SLC12A1: variants seen among roughly 807,000 people sequenced by gnomAD.
SLC12A1 encodes solute carrier family 12 member 1.
A neutral mutation model predicts 130.4 loss-of-function variants in SLC12A1; 89 were observed. That is an observed-to-expected ratio of 0.68 (90% CI 0.58 to 0.81). The LOEUF is 0.81. SLC12A1 is among the 40% of genes least tolerant of loss of function. The pLI, the probability that SLC12A1 is intolerant of heterozygous loss-of-function variation, is 0.00. For synonymous variants in SLC12A1, 499 were observed against 460.0 expected, an observed-to-expected ratio of 1.08 and a Z score of -1.09; for missense variants, 1,310 against 1,336.4, an observed-to-expected ratio of 0.98 and a Z score of 0.31.
chr15:48,230,261 T>C (rs888003783), intron 6 of SLC12A1, 132 bp from the exon 7 acceptor site: 1 of 601,324 alleles, frequency 1.7e-6, no homozygotes, highest in Admixed American at 2.9e-5. Flanking sequence ...AATGTATGAA[T>C]ACTCCATTTT....
intron 16 of SLC12A1, among the ~76,000 whole-genome samples, chr15:48,258,621 C>G (rs1409580024): frequency 6.6e-6 from 1 of 152,196 alleles, no homozygotes; most frequent in Admixed American, 6.5e-5. Flanking sequence ...ACTGTTCCAG[C>G]CTCTGCCTGT....
intron 13 of SLC12A1, among the ~76,000 whole-genome samples, chr15:48,248,933 A>G (rs1411247156): frequency 1.3e-5 from 2 of 152,122 alleles, no homozygotes; most frequent in African/African-American, 2.4e-5. Context: ...AGTCCCAGCT[A>G]CTAGGGAGGC....
chr15:48,266,622 G>T (rs187176918), intron 17 of SLC12A1, among the ~76,000 whole-genome samples: 1 of 152,212 alleles, frequency 6.6e-6, no homozygotes, highest in Non-Finnish European at 1.5e-5. Context: ...ATTTTATCAA[G>T]ATCCCAAGTG....
At chr15:48,266,102 A>T (rs1297899667) in intron 17 of SLC12A1, among the ~76,000 whole-genome samples, 1 of 152,206 alleles carries the variant, frequency 6.6e-6, no homozygotes, top group African/African-American at 2.4e-5. Flanking sequence ...CATACAGGCT[A>T]TCATATTGGG....
chr15:48,243,049 A>G (rs988972479), intron 10 of SLC12A1, among the ~76,000 whole-genome samples: 3 of 152,000 alleles, frequency 2.0e-5, no homozygotes, highest in Admixed American at 2.0e-4. Context: ...GAAAATATAC[A>G]TTTCTACACT....
intron 20 of SLC12A1, among the ~76,000 whole-genome samples, chr15:48,282,967 C>A (rs570601170): frequency 3.7e-4 from 56 of 152,226 alleles, no homozygotes; most frequent in African/African-American, 1.3e-3. Context: ...TTAGTTTCTT[C>A]ATCTACAAAA....
intron 21 of SLC12A1, 56 bp downstream of exon 21, chr15:48,285,305 A>G: frequency 6.4e-7 from 1 of 1,558,982 alleles, no homozygotes; most frequent in Non-Finnish European, 8.8e-7. Context: ...CTATTTGAGC[A>G]TCTATGAAGA....
intron 20 of SLC12A1, among the ~76,000 whole-genome samples, chr15:48,278,731 T>C (rs1430393542): frequency 6.6e-6 from 1 of 152,228 alleles, no homozygotes; most frequent in Non-Finnish European, 1.5e-5. Context: ...AAAATGAGAA[T>C]GCAAAATATA....
At chr15:48,235,102 C>A in intron 9 of SLC12A1, 98 bp downstream of exon 9, 1 of 1,216,404 alleles carries the variant, frequency 8.2e-7, no homozygotes, top group Non-Finnish European at 1.2e-6. Flanking sequence ...TATTACCCTA[C>A]AGATTCAAAC....
intron 2 of SLC12A1, among the ~76,000 whole-genome samples, chr15:48,209,450 A>T (rs1265714387): frequency 6.6e-6 from 1 of 152,180 alleles, no homozygotes; most frequent in Non-Finnish European, 1.5e-5. Flanking sequence ...GCTCTTCCAG[A>T]CCAGTTTGGA....
chr15:48,289,158 TG>T (rs2042091485), intron 23 of SLC12A1, among the ~76,000 whole-genome samples: 2 of 151,350 alleles, frequency 1.3e-5, no homozygotes, highest in African/African-American at 4.9e-5. Context: ...CATTGAGAGT[TG>T]ATGCCAGTTG....
intron 15 of SLC12A1, among the ~76,000 whole-genome samples, 187 bp from the exon 16 acceptor site, chr15:48,255,624 C>T (rs1033018432): frequency 4.6e-5 from 7 of 152,158 alleles, no homozygotes; most frequent in Admixed American, 4.6e-4. Flanking sequence ...TGAAGATTCA[C>T]GTAGTATTCA....
chr15:48,208,649 G>A (rs1167759815), intron 2 of SLC12A1, among the ~76,000 whole-genome samples: 1 of 152,134 alleles, frequency 6.6e-6, no homozygotes, highest in African/African-American at 2.4e-5. Context: ...GAGAACTAAA[G>A]AATTAACTCT....
chr15:48,287,644 A>C (rs2042073623), intron 21 of SLC12A1, among the ~76,000 whole-genome samples: 1 of 152,214 alleles, frequency 6.6e-6, no homozygotes, highest in Non-Finnish European at 1.5e-5. Flanking sequence ...ATGTTAAGTA[A>C]ATACAAAAAT....
At chr15:48,280,661 G>A (rs1294846293) in intron 20 of SLC12A1, among the ~76,000 whole-genome samples, 1 of 151,944 alleles carries the variant, frequency 6.6e-6, no homozygotes, top group East Asian at 1.9e-4. Flanking sequence ...GGATTTCCAG[G>A]TGGTGGTCTT....
intron 2 of SLC12A1, chr15:48,218,002 G>T (rs892242628): frequency 2.6e-5 from 4 of 152,084 alleles, no homozygotes; most frequent in Non-Finnish European, 4.4e-5. Context: ...TAGAGATAGG[G>T]TTTAGCCATG....
chr15:48,235,070 C>A lies in SLC12A1; in HGVS notation c.1215+66C>A, dbSNP rs762790186. 5.9e-6 allele frequency: 9 copies of A among 1,524,346 alleles called. No individual in the cohort carries two copies. In the African/African-American group the frequency reaches 1.1e-4, roughly 19 times the overall value. 94.4% of individuals were successfully genotyped at this position (1,524,346 alleles called of 1,614,324 possible). On this transcript the variant is annotated intron_variant, in intron 9 of 26. Coordinates refer to ENST00000380993, the MANE Select transcript of SLC12A1 (RefSeq NM_000338.3). ...TACACTTGGTGGGTAGCACAAGGAGCTAGAGAGGTTAGATGTGACCATATT... is the reference window on the plus strand; with the variant it reads ...TACACTTGGTGGGTAGCACAAGGAGATAGAGAGGTTAGATGTGACCATATT...
In SLC12A1 at chr15:48,246,931, T is replaced by C; in HGVS notation, c.1475T>C (p.Phe492Ser). 6.2e-7 allele frequency: 1 copy of C among 1,613,856 alleles called. No individual in the cohort carries two copies. Among genetic ancestry groups the C allele is most frequent in the African/African-American group, 1.3e-5 (1 of 75,046 alleles). Residue 492 changes from phenylalanine to serine, a missense_variant, in exon 12 of 27, where the codon TTC becomes TCC. Phe to Ser is a radical substitution (Grantham distance 155, BLOSUM62 -2). Coordinates refer to ENST00000380993, the MANE Select transcript of SLC12A1 (RefSeq NM_000338.3). ...NFQVMSMVSG[F>S]GPLITAGIFS... is the part of the protein sequence containing the mutation. ...AAGGTCATGAGCATGGTATCAGGGT[T>C]CGGCCCCCTCATCACTGCGGGAATC...
chr15:48,288,244 G>A, intron 22 of SLC12A1, 70 bp downstream of exon 22: 1 of 1,452,460 alleles, frequency 6.9e-7, no homozygotes, highest in Non-Finnish European at 9.5e-7. Flanking sequence ...GCATGAGAAG[G>A]TATATGGGAA....
Sources: gnomAD v4.1 joint callset for allele counts (sites outside exome capture counted in the v4.1 genomes callset) on GRCh38, gnomAD v4.1.1 for gene constraint, MANE v1.5 for transcripts, NCBI Gene and HGNC (gene_info 2026-07-23, HGNC 2026-07-21) for gene names.